The following LPP variants were observed in gnomAD, a reference collection of about 807,000 sequenced individuals.
The protein encoded by LPP is lipoma-preferred partner.
In LPP, 38 loss-of-function variants were observed where a neutral mutation model predicts 60.4. That is an observed-to-expected ratio of 0.63 (90% CI 0.49 to 0.83). The LOEUF is 0.83. Ranked by LOEUF, LPP falls within the 40% of genes least tolerant of loss-of-function variation. LPP has a pLI of 0.00. For synonymous variants in LPP, 328 were observed against 290.8 expected (o/e 1.13, Z -1.30); for missense variants, 902 against 783.6 (o/e 1.15, Z -1.80).
Position 188,887,868 on chromosome 3 carries a change from G to A in LPP, c.*13389G>A. 1 of 211,952 alleles carries A rather than the reference G, an allele frequency of 4.7e-6. No individual in the cohort carries two copies. The highest frequency in any genetic ancestry group is 9.6e-6 in the Non-Finnish European group (1 of 104,636). 13.1% of individuals were successfully genotyped at this position (211,952 alleles called of 1,614,324 possible). ...TTTCCTCTCTTGGGAAAGCTGATGAGCAAATTATCCAAGACTCATTTCTTT... is the reference window on the plus strand; with the variant it reads ...TTTCCTCTCTTGGGAAAGCTGATGAACAAATTATCCAAGACTCATTTCTTT... On this transcript the variant is annotated 3_prime_UTR_variant, in exon 12 of 12. Coordinates refer to ENST00000617246, the MANE Select transcript of LPP (RefSeq NM_001375462.1).
chr3:188,191,236 G>A (rs1728093760), intron 1 of LPP, among the ~76,000 whole-genome samples: 1 of 152,116 alleles, frequency 6.6e-6, no homozygotes, highest in Non-Finnish European at 1.5e-5. Context: ...TCTCAAAACA[G>A]AAACAAAAAC....
chr3:188,381,948 T>C (rs1777017588), intron 3 of LPP, among the ~76,000 whole-genome samples: 1 of 104,020 alleles, frequency 9.6e-6, no homozygotes, highest in Non-Finnish European at 1.7e-5. Flanking sequence ...CACCCAGCTA[T>C]TTTTTTTTTT....
chr3:188,750,540 A>G (rs1727731426), intron 8 of LPP, among the ~76,000 whole-genome samples: 1 of 152,094 alleles, frequency 6.6e-6, no homozygotes, highest in Admixed American at 6.5e-5. Context: ...GGCTGGGGCC[A>G]GAGAATTGCT....
At chr3:188,671,442 T>C (rs962010007) in intron 7 of LPP, among the ~76,000 whole-genome samples, 2 of 152,200 alleles carry the variant, frequency 1.3e-5, no homozygotes, top group Non-Finnish European at 2.9e-5. Context: ...TTATTTAAAT[T>C]GAAACCAATC....
At chr3:188,586,291 G>T (rs1258320907) in intron 6 of LPP, among the ~76,000 whole-genome samples, 1 of 152,086 alleles carries the variant, frequency 6.6e-6, no homozygotes, top group Non-Finnish European at 1.5e-5. Context: ...CTAAATGCCA[G>T]CAACAAAATT....
intron 2 of LPP, among the ~76,000 whole-genome samples, chr3:188,242,283 G>A (rs889222422): frequency 6.6e-6 from 1 of 152,028 alleles, no homozygotes; most frequent in African/African-American, 2.4e-5. Flanking sequence ...GTAAAAGCCT[G>A]CTTTTTATCC....
intron 5 of LPP, among the ~76,000 whole-genome samples, chr3:188,488,111 A>G (rs1343423201): frequency 6.6e-6 from 1 of 151,410 alleles, no homozygotes; most frequent in African/African-American, 2.4e-5. Flanking sequence ...AATTTGAAAA[A>G]TCTTGACTCC....
chr3:188,588,678 G>A (rs547424292), intron 6 of LPP, among the ~76,000 whole-genome samples: 6 of 152,302 alleles, frequency 3.9e-5, no homozygotes, highest in South Asian at 2.1e-4. Flanking sequence ...CTAGTAGATT[G>A]TATGTACTAG....
At chr3:188,539,538 C>T (rs949089194) in intron 6 of LPP, among the ~76,000 whole-genome samples, 2 of 152,154 alleles carry the variant, frequency 1.3e-5, no homozygotes, top group Non-Finnish European at 2.9e-5. Flanking sequence ...AGCTGAAGTA[C>T]AACTTAGGCT....
Position 188,609,697 on chromosome 3 carries a change from C to A in LPP, c.966C>A (p.His322Gln), listed in dbSNP as rs1249771975. The A allele has an allele frequency of 1.9e-6, 3 of 1,614,130 alleles. No individual in the cohort carries two copies. Among genetic ancestry groups the A allele is most frequent in the Non-Finnish European group, 2.5e-6 (3 of 1,180,014 alleles). The change falls in exon 7 of 12, where the codon CAC becomes CAA. Residue 322 changes from histidine (H) to glutamine (Q), a missense_variant. Coordinates refer to ENST00000617246, the MANE Select transcript of LPP (RefSeq NM_001375462.1). The surrounding 1 kb of genome is among the most constrained non-coding windows in gnomAD (Gnocchi z 6.9). ...DSDPTYGQQGHPNTWKREPGY... is the reference protein window; with the variant it reads ...DSDPTYGQQGQPNTWKREPGY... ...ACCCTACCTATGGTCAACAAGGTCA[C>A]CCAAATACCTGGAAACGGGAACCAG...
At chr3:188,602,003 G>T in intron 6 of LPP, among the ~76,000 whole-genome samples, 1 of 149,870 alleles carries the variant, frequency 6.7e-6, no homozygotes, top group Non-Finnish European at 1.5e-5. Context: ...GCGAGGCAGA[G>T]GTTGCAGTGA....
At chr3:188,483,228 T>TA (rs1257460739) in intron 4 of LPP, among the ~76,000 whole-genome samples, 1 of 152,178 alleles carries the variant, frequency 6.6e-6, no homozygotes, top group Non-Finnish European at 1.5e-5. Flanking sequence ...CTAAGACTGT[T>TA]ATTTATAAGG....
At chr3:188,729,505 A>G (rs1280863685) in intron 8 of LPP, among the ~76,000 whole-genome samples, 2 of 152,218 alleles carry the variant, frequency 1.3e-5, no homozygotes, top group Admixed American at 1.3e-4. Flanking sequence ...ATGGGGCTGG[A>G]AATTTAATGG....
At chr3:188,811,737 G>A (rs1751041095) in intron 9 of LPP, among the ~76,000 whole-genome samples, 1 of 152,056 alleles carries the variant, frequency 6.6e-6, no homozygotes, top group African/African-American at 2.4e-5. Context: ...CTTGCCTGGG[G>A]TAAATTTTTG....
Position 188,832,366 on chromosome 3 carries a change from C to T in LPP, c.1411-33834C>T, listed in dbSNP as rs532857022. ...AAAAGCTAGGATCCTGACTCACATA[C>T]CCACAAGGAAATGAATTCCGCCAAT... On this transcript the variant is annotated intron_variant, in intron 9 of 11. Transcript: ENST00000617246. Among the ~76,000 whole-genome samples the T allele has an allele frequency of 1.9e-3, 294 of 152,240 alleles. 1 individual carries two copies. The highest frequency in any genetic ancestry group is 3.0e-3 in the Non-Finnish European group (207 of 68,022).
At chr3:188,257,128 A>G (rs1731932947) in intron 2 of LPP, among the ~76,000 whole-genome samples, 1 of 152,202 alleles carries the variant, frequency 6.6e-6, no homozygotes, top group Non-Finnish European at 1.5e-5. Flanking sequence ...TCCAGATCCC[A>G]TAGACCTGAA....
chr3:188,724,262 C>T (rs1166543113), intron 8 of LPP, among the ~76,000 whole-genome samples: 1 of 152,142 alleles, frequency 6.6e-6, no homozygotes. Context: ...GAACCCAGCT[C>T]TTAACCCCTG....
intron 6 of LPP, among the ~76,000 whole-genome samples, chr3:188,540,508 ATATAT>A (rs750680419): frequency 3.3e-5 from 5 of 152,184 alleles, no homozygotes; most frequent in Admixed American, 1.3e-4. Context: ...AGAGTTTAAG[ATATAT>A]TATAGTAATT....
At chr3:188,268,176 A>T (rs1005521045) in intron 2 of LPP, among the ~76,000 whole-genome samples, 5 of 152,094 alleles carry the variant, frequency 3.3e-5, no homozygotes, top group African/African-American at 1.2e-4. Flanking sequence ...ACCACGCTTT[A>T]CATTTTCACA....
Sources: gnomAD v4.1 joint callset for allele counts (sites outside exome capture counted in the v4.1 genomes callset) on GRCh38, gnomAD v4.1.1 for gene constraint, Gnocchi (gnomAD v3.1) non-coding constraint, MANE v1.5 for transcripts, NCBI Gene and HGNC (gene_info 2026-07-23, HGNC 2026-07-21) for gene names.